MPDZ: variants seen among roughly 807,000 people sequenced by gnomAD.
MPDZ encodes the protein multiple PDZ domain protein.
MPDZ carries 234 observed loss-of-function variants against 239.1 expected under a neutral mutation model. The observed-to-expected ratio is 0.98, with a 90% CI of 0.88 to 1.09. The LOEUF (loss-of-function observed/expected upper bound fraction) is 1.09, where lower values mean the gene tolerates loss of function less well. MPDZ is among the 50% of genes least tolerant of loss of function. The probability of loss-of-function intolerance (pLI) is 0.00; values close to 1 mark genes in which losing one functional copy is unlikely to be tolerated. For missense variants in MPDZ, 3,175 were observed against 2,510.0 expected, an observed-to-expected ratio of 1.26 and a Z score of -5.66; for synonymous variants, 1,048 against 881.3, an observed-to-expected ratio of 1.19 and a Z score of -3.35.
At chr9:13,217,819 CTT>C (rs1958553546) in intron 8 of MPDZ, among the ~76,000 whole-genome samples, 1 of 151,810 alleles carries the variant, frequency 6.6e-6, no homozygotes, top group Admixed American at 6.6e-5. Context: ...CTCTACATGT[CTT>C]AATTCATTAT....
intron 12 of MPDZ, among the ~76,000 whole-genome samples, chr9:13,197,591 A>C (rs1263021106): frequency 1.3e-5 from 2 of 152,128 alleles, no homozygotes; most frequent in Non-Finnish European, 2.9e-5. Flanking sequence ...TTAAACATTT[A>C]TTATATTTTT....
chr9:13,205,245 C>G (rs1432713349), intron 11 of MPDZ, 138 bp from the exon 12 acceptor site: 1 of 469,070 alleles, frequency 2.1e-6, no homozygotes, highest in African/African-American at 2.0e-5. Context: ...ACTATATGTA[C>G]TTAAAGGCAA....
chr9:13,209,084 T>C (rs1957326178), intron 10 of MPDZ, among the ~76,000 whole-genome samples: 2 of 152,244 alleles, frequency 1.3e-5, no homozygotes, highest in African/African-American at 2.4e-5. Flanking sequence ...GGGAATAGCC[T>C]GTCTGGTCTG....
chr9:13,231,043 TAAAG>T lies in MPDZ; in HGVS notation c.184-6464_184-6461del, dbSNP rs143866881. On this transcript the variant is annotated intron_variant, in intron 3 of 46. Transcript: ENST00000319217. ...TCAACAAAACAGGAAAATGATACAA[TAAAG>T]AAATTCAAAAAAGTCAAAAAGTTGA... 5.4e-3 allele frequency among the ~76,000 whole-genome samples: 813 copies of T among 151,728 alleles called. 3 individuals are homozygous for T. The highest frequency in any genetic ancestry group is 0.018 in the African/African-American group (763 of 41,380).
intron 38 of MPDZ, chr9:13,120,571 AT>A (rs1944195019): frequency 6.6e-6 from 1 of 152,170 alleles, no homozygotes; most frequent in African/African-American, 2.4e-5. Flanking sequence ...AAAAAAGTCT[AT>A]TTTTTAGACA....
chr9:13,122,806 T>C (rs1944552099), intron 36 of MPDZ, among the ~76,000 whole-genome samples: 1 of 152,120 alleles, frequency 6.6e-6, no homozygotes, highest in Non-Finnish European at 1.5e-5. Flanking sequence ...CATGAGCCAC[T>C]GCACCTGGCT....
At position 13,224,438 on chromosome 9, in the gene MPDZ, A is replaced by AT; in HGVS notation, c.328dup (p.Ile110AsnfsTer5). On this transcript the variant is annotated frameshift_variant, in exon 4 of 47. Transcript: ENST00000319217. LOFTEE classifies it high-confidence loss of function. ...AGCAGGTTTCCCATTAATGTGTGGA[A>AT]TACCAGGTCCTGTAAGTGCTTCCAG... The AT allele has an allele frequency of 6.2e-7, 1 of 1,612,970 alleles. No individual in the cohort carries two copies. Among genetic ancestry groups the AT allele is most frequent in the Non-Finnish European group, 8.5e-7 (1 of 1,179,296 alleles).
At chr9:13,267,632 TAA>T in intron 1 of MPDZ, among the ~76,000 whole-genome samples, 1 of 152,232 alleles carries the variant, frequency 6.6e-6, no homozygotes, top group African/African-American at 2.4e-5. Context: ...TAATGACACT[TAA>T]AAGTATCAAT....
intron 3 of MPDZ, among the ~76,000 whole-genome samples, chr9:13,235,110 G>C: frequency 6.6e-6 from 1 of 152,118 alleles, no homozygotes; most frequent in Non-Finnish European, 1.5e-5. Context: ...CAGCTCTGAT[G>C]CATTATTGAA....
chr9:13,192,367 T>C (rs1165050192), intron 14 of MPDZ, 72 bp from the exon 15 acceptor site: 1 of 1,345,012 alleles, frequency 7.4e-7, no homozygotes, highest in Non-Finnish European at 1.0e-6. Flanking sequence ...ACAATTTTTT[T>C]ATTAAATATA....
At chr9:13,193,502 G>C (rs1955226812) in intron 13 of MPDZ, among the ~76,000 whole-genome samples, 189 bp from the exon 14 acceptor site, 1 of 152,106 alleles carries the variant, frequency 6.6e-6, no homozygotes, top group Non-Finnish European at 1.5e-5. Context: ...TTGATTTCAT[G>C]AACTTACAAA....
intron 1 of MPDZ, among the ~76,000 whole-genome samples, chr9:13,261,731 T>C (rs1588181174): frequency 6.6e-6 from 1 of 152,048 alleles, no homozygotes; most frequent in Non-Finnish European, 1.5e-5. Flanking sequence ...ATAAATCCAC[T>C]GTTAAAACAA....
At chr9:13,108,828 C>T in intron 46 of MPDZ, 108 bp downstream of exon 46, 2 of 1,126,202 alleles carry the variant, frequency 1.8e-6, no homozygotes, top group South Asian at 2.4e-5. Context: ...AAATGATCAA[C>T]TGTTAACCAT....
chr9:13,221,296 T>C (rs1959066807), intron 7 of MPDZ, 76 bp downstream of exon 7: 1 of 1,423,206 alleles, frequency 7.0e-7, no homozygotes. Flanking sequence ...AGTTTCTTCT[T>C]TCCAACAAAA....
At chr9:13,117,503 C>A (rs1427130189) in intron 39 of MPDZ, among the ~76,000 whole-genome samples, 1 of 149,452 alleles carries the variant, frequency 6.7e-6, no homozygotes, top group East Asian at 2.0e-4. Flanking sequence ...TGCACTCCAG[C>A]CTGGGCAACA....
chr9:13,172,926 T>C (rs959755450), intron 21 of MPDZ, among the ~76,000 whole-genome samples: 5 of 152,204 alleles, frequency 3.3e-5, no homozygotes, highest in African/African-American at 1.2e-4. Flanking sequence ...CAAAGTATAG[T>C]GTATACATAC....
chr9:13,134,348 C>T (rs943514754), intron 31 of MPDZ: 2 of 152,320 alleles, frequency 1.3e-5, no homozygotes, highest in African/African-American at 4.8e-5. Flanking sequence ...TATTAAAATA[C>T]TCCATTTCCT....
chr9:13,210,223 T>A (rs571530991), intron 10 of MPDZ, among the ~76,000 whole-genome samples: 3 of 152,174 alleles, frequency 2.0e-5, no homozygotes, highest in Non-Finnish European at 4.4e-5. Flanking sequence ...AAACCAAGAA[T>A]CTTATACTTA....
chr9:13,110,774 A>C, intron 43 of MPDZ, 34 bp from the exon 44 acceptor site: 1 of 1,547,850 alleles, frequency 6.5e-7, no homozygotes, highest in Non-Finnish European at 8.9e-7. Context: ...CCATCTGCTA[A>C]AGCAGCCATG....
Sources: allele counts gnomAD v4.1 joint callset (sites outside exome capture counted in the v4.1 genomes callset), GRCh38; gene constraint gnomAD v4.1.1; transcripts MANE v1.5; gene names NCBI Gene and HGNC (gene_info 2026-07-23, HGNC 2026-07-21).